The following TMEM178B variants were observed in gnomAD, a reference collection of about 807,000 sequenced individuals.
TMEM178B encodes transmembrane protein 178B.
In TMEM178B, 5 loss-of-function variants were observed where a neutral mutation model predicts 31.0. The observed-to-expected ratio is 0.16, with a 90% CI of 0.08 to 0.34. The LOEUF (loss-of-function observed/expected upper bound fraction) is 0.34, where lower values mean the gene tolerates loss of function less well. TMEM178B is among the 10% of genes least tolerant of loss of function. The pLI, the probability that TMEM178B is intolerant of heterozygous loss-of-function variation, is 1.00. For missense variants in TMEM178B, 275 were observed against 400.3 expected (o/e 0.69, Z 2.67); for synonymous variants, 164 against 164.0 (o/e 1.00, Z 0.00).
intron 2 of TMEM178B, among the ~76,000 whole-genome samples, chr7:141,314,947 G>A (rs1479057958): frequency 6.6e-6 from 1 of 152,166 alleles, no homozygotes; most frequent in African/African-American, 2.4e-5. Context: ...TCATATCACA[G>A]GTATTATTGT....
At position 141,328,718 on chromosome 7, in the gene TMEM178B, G is replaced by T. The variant is rs1799242198; in HGVS notation, c.497-108890G>T. Among the ~76,000 whole-genome samples the T allele has an allele frequency of 2.0e-5, 3 of 152,214 alleles. No homozygotes were observed. In the South Asian group the frequency reaches 6.2e-4, roughly 32 times the overall value. On this transcript the variant is annotated intron_variant, in intron 2 of 3. Coordinates refer to ENST00000565468, the MANE Select transcript of TMEM178B (RefSeq NM_001195278.2). The stretch of plus-strand genomic sequence containing the variant: ...TTCTCTGACATGGGCCAAGGAGGCT[G>T]GCCAGTGTCATCTACCATTCCCAGG...
At chr7:141,115,239 G>A (rs1344891700) in intron 1 of TMEM178B, among the ~76,000 whole-genome samples, 1 of 151,896 alleles carries the variant, frequency 6.6e-6, no homozygotes, top group Non-Finnish European at 1.5e-5. Context: ...GTAGAGGCAG[G>A]GTTTCAGGCC....
intron 1 of TMEM178B, among the ~76,000 whole-genome samples, chr7:141,186,180 G>A (rs1187647330): frequency 2.0e-5 from 3 of 152,160 alleles, no homozygotes; most frequent in Non-Finnish European, 4.4e-5. Context: ...AAAGAGTCAA[G>A]GTCATGGATA....
chr7:141,419,133 C>T (rs552662260), intron 2 of TMEM178B, among the ~76,000 whole-genome samples: 24 of 152,236 alleles, frequency 1.6e-4, no homozygotes, highest in African/African-American at 4.1e-4. Flanking sequence ...CAGTCTTGAA[C>T]GCCTGACCTC....
rs542656043 is a variant in TMEM178B, at chr7:141,461,496, A to C, written c.635-9040A>C. 7.2e-5 allele frequency among the ~76,000 whole-genome samples: 11 copies of C among 152,376 alleles called. No individual in the cohort carries two copies. The highest frequency in any genetic ancestry group is 7.2e-4 in the Admixed American group (11 of 15,312). On this transcript the variant is annotated intron_variant, in intron 3 of 3. Coordinates refer to ENST00000565468, the MANE Select transcript of TMEM178B (RefSeq NM_001195278.2). This position sits in a 1 kb window ranked among gnomAD's most constrained non-coding sequence, Gnocchi z 4.0. ...GATATTTGGGCAAATGCCTGTGCAC[A>C]CAATGTGTAACTGCCCTGAATCTCT... is the stretch of plus-strand genomic sequence containing the variant.
chr7:141,174,239 T>G (rs1044756684), intron 1 of TMEM178B, among the ~76,000 whole-genome samples: 3 of 152,192 alleles, frequency 2.0e-5, no homozygotes, highest in African/African-American at 7.2e-5. Context: ...TGCATTAGTT[T>G]GCTGAGAATG....
At chr7:141,076,252 A>G (rs1009424496) in intron 1 of TMEM178B, among the ~76,000 whole-genome samples, 6 of 152,218 alleles carry the variant, frequency 3.9e-5, no homozygotes, top group Non-Finnish European at 7.3e-5. Flanking sequence ...AGTTTTTGAC[A>G]ATGAGTGACC....
At chr7:141,204,197 A>T (rs1281183873) in intron 1 of TMEM178B, among the ~76,000 whole-genome samples, 1 of 152,186 alleles carries the variant, frequency 6.6e-6, no homozygotes, top group East Asian at 1.9e-4. Context: ...GTGAGACTGG[A>T]AAGAGGGGAA....
intron 2 of TMEM178B, among the ~76,000 whole-genome samples, chr7:141,241,564 T>C (rs976274640): frequency 1.7e-5 from 2 of 118,860 alleles, no homozygotes; most frequent in African/African-American, 6.6e-5. Context: ...CACTCCAGCC[T>C]GGGGAACAAG....
intron 1 of TMEM178B, among the ~76,000 whole-genome samples, chr7:141,181,712 GC>G (rs1487068566): frequency 1.3e-5 from 2 of 152,222 alleles, no homozygotes; most frequent in Non-Finnish European, 2.9e-5. Flanking sequence ...GAGAGCCACA[GC>G]CACATATACT....
chr7:141,250,634 C>T (rs1797816275), intron 2 of TMEM178B, among the ~76,000 whole-genome samples: 1 of 152,150 alleles, frequency 6.6e-6, no homozygotes, highest in East Asian at 1.9e-4. Context: ...CTTTAATCCC[C>T]CTGGACTTCT....
intron 2 of TMEM178B, among the ~76,000 whole-genome samples, chr7:141,306,390 A>C (rs1327714962): frequency 6.6e-6 from 1 of 152,214 alleles, no homozygotes; most frequent in African/African-American, 2.4e-5. Context: ...TTAATAATGC[A>C]CATGGGATCT....
At position 141,120,950 on chromosome 7, in the gene TMEM178B, G is replaced by A. The variant is rs143481599; in HGVS notation, c.382+46258G>A. On this transcript the variant is annotated intron_variant, in intron 1 of 3. Coordinates refer to ENST00000565468, the MANE Select transcript of TMEM178B (RefSeq NM_001195278.2). ...ACTGCACTCCAGACTGGGTGACAGA[G>A]CAAGACTCTGTCTCTAAATAATAAT... Among the ~76,000 whole-genome samples the A allele has an allele frequency of 2.7e-3, 413 of 151,650 alleles. 2 individuals are homozygous for A. Among genetic ancestry groups the A allele is most frequent in the African/African-American group, 9.3e-3 (386 of 41,340 alleles).
At chr7:141,404,629 A>G (rs924550450) in intron 2 of TMEM178B, among the ~76,000 whole-genome samples, 1 of 152,160 alleles carries the variant, frequency 6.6e-6, no homozygotes, top group African/African-American at 2.4e-5. Context: ...CGGACGACTT[A>G]TCTCGAGATC....
At chr7:141,436,302 G>C (rs1801538990) in intron 2 of TMEM178B, among the ~76,000 whole-genome samples, 1 of 152,178 alleles carries the variant, frequency 6.6e-6, no homozygotes, top group Non-Finnish European at 1.5e-5. Flanking sequence ...GCAGGCTGCA[G>C]CAGCTGGTGT....
chr7:141,492,361 TG>T, the TMEM178B span, among the ~76,000 whole-genome samples: 4 of 152,212 alleles, frequency 2.6e-5, no homozygotes, highest in African/African-American at 7.2e-5. Flanking sequence ...GGCTTTGCAA[TG>T]CACTTTTATT....
rs752204120 is a variant in TMEM178B, at chr7:141,426,712, T to C, written c.497-10896T>C. ...AAGCTCCAACTCATGTACTTTTTCA[T>C]GGAAACATAAAAACTATCTTATTTT... On this transcript the variant is annotated intron_variant, in intron 2 of 3. Coordinates refer to ENST00000565468, the MANE Select transcript of TMEM178B (RefSeq NM_001195278.2). 2.6e-5 allele frequency among the ~76,000 whole-genome samples: 4 copies of C among 152,250 alleles called. No individual in the cohort carries two copies. In the South Asian group the frequency reaches 8.3e-4, roughly 32 times the overall value.
At chr7:141,382,349 A>T (rs1800333336) in intron 2 of TMEM178B, among the ~76,000 whole-genome samples, 1 of 152,198 alleles carries the variant, frequency 6.6e-6, no homozygotes, top group Admixed American at 6.5e-5. Flanking sequence ...GAAGTGCTAG[A>T]CAAAGCCTGC....
intron 1 of TMEM178B, among the ~76,000 whole-genome samples, chr7:141,192,842 T>A (rs903861102): frequency 5.3e-5 from 8 of 152,246 alleles, no homozygotes; most frequent in African/African-American, 1.9e-4. Flanking sequence ...GTTTCATATC[T>A]GCCACTTTAT....
Sources: allele counts gnomAD v4.1 joint callset (sites outside exome capture counted in the v4.1 genomes callset), GRCh38; gene constraint gnomAD v4.1.1; non-coding constraint Gnocchi (gnomAD v3.1); transcripts MANE v1.5; gene names NCBI Gene and HGNC (gene_info 2026-07-23, HGNC 2026-07-21).